Variants in AUH observed in about 807,000 individuals in gnomAD.
AUH encodes the protein AU RNA binding methylglutaconyl-CoA hydratase.
A neutral mutation model predicts 42.3 loss-of-function variants in AUH; 29 were observed. That is an observed-to-expected ratio of 0.69 (90% CI 0.51 to 0.93). The LOEUF (loss-of-function observed/expected upper bound fraction) is 0.93, where lower values mean the gene tolerates loss of function less well. Ranked by LOEUF, AUH falls within the 40% of genes least tolerant of loss-of-function variation. The pLI is 0.00. For synonymous variants in AUH, 174 were observed against 166.4 expected, an observed-to-expected ratio of 1.05 and a Z score of -0.35; for missense variants, 452 against 438.1, an observed-to-expected ratio of 1.03 and a Z score of -0.28.
At chr9:91,269,563 C>T (rs1430861654) in intron 6 of AUH, among the ~76,000 whole-genome samples, 2 of 152,116 alleles carry the variant, frequency 1.3e-5, no homozygotes, top group African/African-American at 2.4e-5. Context: ...AAACCAAGTG[C>T]CTTTAATGAG....
chr9:91,251,838 G>A (rs1829144362), intron 6 of AUH, among the ~76,000 whole-genome samples: 1 of 152,140 alleles, frequency 6.6e-6, no homozygotes, highest in Non-Finnish European at 1.5e-5. Context: ...AATATTTCCT[G>A]CATTCCAGTA....
chr9:91,332,507 T>A (rs1400879405), intron 3 of AUH, among the ~76,000 whole-genome samples: 1 of 152,036 alleles, frequency 6.6e-6, no homozygotes, highest in Non-Finnish European at 1.5e-5. Flanking sequence ...CTCAAAAAAA[T>A]AAATAAAACA....
At chr9:91,326,510 T>C (rs935383080) in intron 3 of AUH, among the ~76,000 whole-genome samples, 1 of 152,062 alleles carries the variant, frequency 6.6e-6, no homozygotes, top group Non-Finnish European at 1.5e-5. Flanking sequence ...TGTATAAGCA[T>C]GAAGGTGAAA....
chr9:91,249,108 GA>G (rs1828962830), intron 6 of AUH, among the ~76,000 whole-genome samples: 1 of 151,670 alleles, frequency 6.6e-6, no homozygotes, highest in Non-Finnish European at 1.5e-5. Flanking sequence ...ACAAGCCTAG[GA>G]AACATGGCAC....
In AUH at chr9:91,295,933, T is replaced by C. The variant is rs533216140; in HGVS notation, c.655+88A>G. 8.2e-4 allele frequency: 1,186 copies of C among 1,438,072 alleles called. 3 individuals are homozygous for C. Among genetic ancestry groups the C allele is most frequent in the Middle Eastern group, 7.5e-3 (43 of 5,742 alleles). 89.1% of individuals were successfully genotyped at this position (1,438,072 alleles called of 1,614,324 possible). On this transcript the variant is annotated intron_variant, in intron 6 of 9. Coordinates refer to ENST00000375731, the MANE Select transcript of AUH (RefSeq NM_001698.3). ...TGCCATTGTCTCTTTACGCAAAATG[T>C]TGCCTTTCCAATTAACATGATTTTG...
At chr9:91,246,817 G>A (rs1407148283) in intron 6 of AUH, among the ~76,000 whole-genome samples, 1 of 152,216 alleles carries the variant, frequency 6.6e-6, no homozygotes, top group African/African-American at 2.4e-5. Flanking sequence ...CAAAATCCAA[G>A]AGTTAGGAAT....
At chr9:91,225,625 T>A (rs1040221644) in intron 6 of AUH, among the ~76,000 whole-genome samples, 1 of 151,850 alleles carries the variant, frequency 6.6e-6, no homozygotes, top group South Asian at 2.1e-4. Flanking sequence ...TATGTATACA[T>A]GTGCCATGCT....
At chr9:91,249,346 G>A (rs1046988182) in intron 6 of AUH, among the ~76,000 whole-genome samples, 2 of 136,898 alleles carry the variant, frequency 1.5e-5, no homozygotes, top group African/African-American at 5.5e-5. Context: ...TCTGAACACT[G>A]ACCTGGAGTT....
chr9:91,307,089 G>A (rs1168505718), intron 4 of AUH, among the ~76,000 whole-genome samples: 1 of 152,150 alleles, frequency 6.6e-6, no homozygotes, highest in Non-Finnish European at 1.5e-5. Context: ...AGGGTAGCAG[G>A]GAGGGGCAAA....
intron 4 of AUH, among the ~76,000 whole-genome samples, chr9:91,316,892 T>C (rs941955188): frequency 2.0e-5 from 3 of 152,246 alleles, no homozygotes; most frequent in African/African-American, 7.2e-5. Flanking sequence ...TTTGGTAAAA[T>C]TGATCACTGT....
intron 6 of AUH, among the ~76,000 whole-genome samples, chr9:91,247,176 C>T (rs879353083): frequency 1.3e-5 from 2 of 152,182 alleles, no homozygotes; most frequent in Non-Finnish European, 1.5e-5. Context: ...CTCCTCCGTA[C>T]ACTGCATCAC....
intron 3 of AUH, among the ~76,000 whole-genome samples, chr9:91,352,357 G>A (rs1417525134): frequency 6.6e-6 from 1 of 151,990 alleles, no homozygotes; most frequent in Non-Finnish European, 1.5e-5. Context: ...TGGAGCACAT[G>A]ACTGTATTTG....
chr9:91,272,684 C>T (rs926454544), intron 6 of AUH, among the ~76,000 whole-genome samples: 2 of 152,156 alleles, frequency 1.3e-5, no homozygotes, highest in African/African-American at 4.8e-5. Flanking sequence ...TTTTATGTAT[C>T]CGTCTGCCTC....
At chr9:91,323,554 C>T (rs780207363) in intron 4 of AUH, among the ~76,000 whole-genome samples, 31 of 150,570 alleles carry the variant, frequency 2.1e-4, no homozygotes, top group African/African-American at 5.9e-4. Flanking sequence ...ACCTGGGATG[C>T]GGAGGTTGCA....
chr9:91,303,053 C>T (rs752935009), intron 4 of AUH, among the ~76,000 whole-genome samples: 1 of 152,022 alleles, frequency 6.6e-6, no homozygotes, highest in African/African-American at 2.4e-5. Flanking sequence ...GATAATAATC[C>T]TTTGAAATGC....
intron 3 of AUH, among the ~76,000 whole-genome samples, chr9:91,337,826 T>G (rs924898668): frequency 6.6e-6 from 1 of 152,168 alleles, no homozygotes. Context: ...AGGGAAGGAA[T>G]TGATTGGTGG....
chr9:91,258,525 G>A (rs1375211932), intron 6 of AUH, among the ~76,000 whole-genome samples: 7 of 152,156 alleles, frequency 4.6e-5, no homozygotes, highest in Admixed American at 3.3e-4. Flanking sequence ...GTGGGCCACC[G>A]TGCCCAGCCT....
At chr9:91,244,650 C>T (rs1264104597) in intron 6 of AUH, among the ~76,000 whole-genome samples, 2 of 152,144 alleles carry the variant, frequency 1.3e-5, no homozygotes, top group Non-Finnish European at 2.9e-5. Flanking sequence ...CCTTTCACTC[C>T]GCTTACCAGT....
intron 7 of AUH, among the ~76,000 whole-genome samples, chr9:91,218,044 C>T (rs1251799598): frequency 2.0e-5 from 3 of 152,104 alleles, no homozygotes; most frequent in Non-Finnish European, 4.4e-5. Flanking sequence ...TCCTAAAATA[C>T]CATTTATGGG....
Sources: gnomAD v4.1 joint callset for allele counts (sites outside exome capture counted in the v4.1 genomes callset) on GRCh38, gnomAD v4.1.1 for gene constraint, MANE v1.5 for transcripts, NCBI Gene and HGNC (gene_info 2026-07-23, HGNC 2026-07-21) for gene names.